Variants in PPM1L observed in about 807,000 individuals in gnomAD.
PPM1L encodes protein phosphatase 1L.
A neutral mutation model predicts 31.4 loss-of-function variants in PPM1L; 13 were observed. The ratio of observed to expected loss-of-function variants is 0.41; its 90% CI spans 0.27 to 0.66. PPM1L has a LOEUF of 0.66. Among genes scored for constraint, PPM1L ranks in the 30% least tolerant of loss-of-function variants. PPM1L has a pLI of 0.29. For synonymous variants in PPM1L, 184 were observed against 175.4 expected (o/e 1.05, Z -0.39); for missense variants, 326 against 453.7 (o/e 0.72, Z 2.56).
At chr3:160,835,093 T>TTTCTTTCTTCTTTCTTCCTTC (rs1358326142) in intron 1 of PPM1L, among the ~76,000 whole-genome samples, 1 of 144,416 alleles carries the variant, frequency 6.9e-6, no homozygotes, top group Non-Finnish European at 1.5e-5. Context: ...TTCTTTCTTT[T>TTTCTTTCTTCTTTCTTCCTTC]TTCTTTCTTC....
intron 2 of PPM1L, among the ~76,000 whole-genome samples, chr3:161,033,692 C>T (rs561855115): frequency 7.9e-5 from 12 of 152,232 alleles, no homozygotes; most frequent in African/African-American, 2.9e-4. Flanking sequence ...AAAATTAACT[C>T]GAGATGGATT....
intron 1 of PPM1L, among the ~76,000 whole-genome samples, chr3:160,867,536 CT>C (rs145965020): frequency 0.4 from 61,335 of 151,868 alleles, 14,165 homozygotes; most frequent in Non-Finnish European, 0.53. Context: ...GGCTTCCTTC[CT>C]TTCCCTCCTT....
rs765657316 is a variant in PPM1L, at chr3:160,756,833, G to T, written c.399+126G>T. The T allele has an allele frequency of 2.3e-5, 25 of 1,087,842 alleles. No homozygotes were observed. Among genetic ancestry groups the T allele is most frequent in the Non-Finnish European group, 3.0e-5 (23 of 776,492 alleles). The allele number at this position is 1,087,842 out of a possible 1,614,324, so 67.4% of individuals were successfully genotyped here. A position where few individuals can be genotyped will look rare whatever the true frequency, so the allele number is the denominator to read the frequency against. ...GTGTGCGCAGCGGGAGAGGATCTGG[G>T]TGCGAGGGGCGTGGTGATGACACCA... On this transcript the variant is annotated intron_variant, in intron 1 of 3. Coordinates refer to ENST00000498165, the MANE Select transcript of PPM1L (RefSeq NM_139245.4). This position sits in a 1 kb window ranked among gnomAD's most constrained non-coding sequence, Gnocchi z 6.2.
intron 2 of PPM1L, among the ~76,000 whole-genome samples, chr3:161,046,092 C>G (rs1719053777): frequency 9.2e-6 from 1 of 108,600 alleles, no homozygotes; most frequent in African/African-American, 3.8e-5. Context: ...GCCTGGGTGA[C>G]AGAGCGAGAC....
Position 160,906,059 on chromosome 3 carries a change from TC to T in PPM1L, c.400-55676del, listed in dbSNP as rs1180382233. Among the ~76,000 whole-genome samples, 8 of 152,210 alleles carry T rather than the reference TC, an allele frequency of 5.3e-5. No individual in the cohort carries two copies. The East Asian group carries it at 1.5e-3, about 29-fold the overall frequency. On this transcript the variant is annotated intron_variant, in intron 1 of 3. Coordinates refer to ENST00000498165, the MANE Select transcript of PPM1L (RefSeq NM_139245.4). ...TTCTTTCTTTCTATTTCCTGCCCTT[TC>T]TTAACATTATTATTATTATTTTTTT...
chr3:161,052,750 G>T (rs902825787), intron 2 of PPM1L, among the ~76,000 whole-genome samples: 2 of 152,182 alleles, frequency 1.3e-5, no homozygotes, highest in Non-Finnish European at 2.9e-5. Flanking sequence ...CAAAGGACAG[G>T]TTCATTTTAA....
intron 1 of PPM1L, among the ~76,000 whole-genome samples, chr3:160,883,610 G>A (rs980226923): frequency 2.1e-4 from 32 of 152,112 alleles, no homozygotes; most frequent in East Asian, 1.5e-3. Context: ...GAACTTTTAT[G>A]CTGCCTACCT....
At chr3:160,969,308 G>A (rs918023809) in intron 2 of PPM1L, among the ~76,000 whole-genome samples, 1 of 152,192 alleles carries the variant, frequency 6.6e-6, no homozygotes. Context: ...GGAAGTAGCT[G>A]GAGGGTTACC....
At chr3:160,829,245 A>C (rs1006480173) in intron 1 of PPM1L, among the ~76,000 whole-genome samples, 18 of 152,100 alleles carry the variant, frequency 1.2e-4, no homozygotes, top group African/African-American at 3.6e-4. Context: ...AAAAAAAAAA[A>C]AAACCTAGCC....
chr3:160,868,794 A>G (rs541972997), intron 1 of PPM1L, among the ~76,000 whole-genome samples: 1 of 152,260 alleles, frequency 6.6e-6, no homozygotes, highest in Non-Finnish European at 1.5e-5. Context: ...ATTGAAACAC[A>G]TTTAATATGA....
intron 1 of PPM1L, among the ~76,000 whole-genome samples, chr3:160,786,187 G>GTGTGTA (rs1302285733): frequency 5.1e-5 from 2 of 39,444 alleles, no homozygotes; most frequent in Non-Finnish European, 7.3e-5. Flanking sequence ...GTGTGTGTGT[G>GTGTGTA]TATATATATA....
intron 1 of PPM1L, among the ~76,000 whole-genome samples, chr3:160,802,059 C>G (rs372418569): frequency 4.6e-5 from 7 of 152,154 alleles, no homozygotes; most frequent in African/African-American, 1.7e-4. Context: ...GTGGCTACGT[C>G]GGGTTCTGCC....
chr3:160,812,043 G>C lies in PPM1L; in HGVS notation c.399+55336G>C, dbSNP rs117162776. On this transcript the variant is annotated intron_variant, in intron 1 of 3. Transcript: ENST00000498165. ...ATGGCATTGCTATTCTCTAGAGCTG[G>C]CTTCTGCTTCAGATTTTGATGAGGG... 5.2e-3 allele frequency among the ~76,000 whole-genome samples: 791 copies of C among 152,236 alleles called. 12 individuals carry two copies. Among genetic ancestry groups the C allele is most frequent in the East Asian group, 0.044 (227 of 5,168 alleles).
chr3:160,792,552 T>C (rs943328633), intron 1 of PPM1L, among the ~76,000 whole-genome samples: 12 of 152,174 alleles, frequency 7.9e-5, no homozygotes, highest in African/African-American at 2.9e-4. Context: ...TGATACACTA[T>C]TATTAACTAA....
intron 2 of PPM1L, among the ~76,000 whole-genome samples, chr3:161,040,296 G>T (rs1449660987): frequency 6.6e-6 from 1 of 151,946 alleles, no homozygotes; most frequent in African/African-American, 2.4e-5. Flanking sequence ...GATCATTCTG[G>T]TCTCAGAGAT....
At chr3:160,936,845 C>T (rs1366702072) in intron 1 of PPM1L, among the ~76,000 whole-genome samples, 1 of 152,078 alleles carries the variant, frequency 6.6e-6, no homozygotes, top group Non-Finnish European at 1.5e-5. Context: ...GGTGGAGCCT[C>T]ATATGTATTG....
intron 1 of PPM1L, among the ~76,000 whole-genome samples, chr3:160,768,276 G>A (rs2367242): frequency 0.62 from 93,681 of 151,974 alleles, 31,924 homozygotes; most frequent in East Asian, 0.94. Context: ...CTATTTTTAA[G>A]GACTTTCATC....
At chr3:160,978,410 C>T (rs963291211) in intron 2 of PPM1L, among the ~76,000 whole-genome samples, 9 of 152,092 alleles carry the variant, frequency 5.9e-5, no homozygotes, top group African/African-American at 9.7e-5. Flanking sequence ...ATAAGAGGTA[C>T]GGGAGCAAGA....
At chr3:160,912,983 A>G (rs548194150) in intron 1 of PPM1L, among the ~76,000 whole-genome samples, 2 of 152,262 alleles carry the variant, frequency 1.3e-5, no homozygotes, top group South Asian at 4.1e-4. Flanking sequence ...TGAGTTGTTC[A>G]TTTGGTGGCA....
Sources: allele counts gnomAD v4.1 joint callset (sites outside exome capture counted in the v4.1 genomes callset), GRCh38; gene constraint gnomAD v4.1.1; non-coding constraint Gnocchi (gnomAD v3.1); transcripts MANE v1.5; gene names NCBI Gene and HGNC (gene_info 2026-07-23, HGNC 2026-07-21).